DNAH7: variants seen among roughly 807,000 people sequenced by gnomAD.
The protein encoded by DNAH7 is axonemal beta dynein heavy chain 7.
A neutral mutation model predicts 444.6 loss-of-function variants in DNAH7; 397 were observed. The observed-to-expected ratio is 0.89, with a 90% CI of 0.82 to 0.97. The LOEUF (loss-of-function observed/expected upper bound fraction) is 0.97, where lower values mean the gene tolerates loss of function less well. Ranked by LOEUF, DNAH7 falls within the 50% of genes least tolerant of loss-of-function variation. The probability of loss-of-function intolerance (pLI) is 0.00; values close to 1 mark genes in which losing one functional copy is unlikely to be tolerated. For synonymous variants in DNAH7, 1,636 were observed against 1,624.4 expected, an observed-to-expected ratio of 1.01 and a Z score of -0.17; for missense variants, 4,902 against 4,800.8, an observed-to-expected ratio of 1.02 and a Z score of -0.62.
intron 1 of DNAH7, among the ~76,000 whole-genome samples, chr2:196,062,563 A>G (rs1467861034): frequency 6.6e-6 from 1 of 152,202 alleles, no homozygotes; most frequent in Non-Finnish European, 1.5e-5. Flanking sequence ...TCATCATTTT[A>G]GTACTTGAGA....
chr2:195,905,141 A>G (rs1056218696), intron 27 of DNAH7: 5 of 152,122 alleles, frequency 3.3e-5, no homozygotes, highest in African/African-American at 1.2e-4. Flanking sequence ...GGCATTAACA[A>G]ACTCAACCAA....
chr2:196,064,359 A>T (rs13011207), intron 1 of DNAH7, among the ~76,000 whole-genome samples: 3 of 147,136 alleles, frequency 2.0e-5, no homozygotes, highest in East Asian at 1.9e-4. Flanking sequence ...AATAAATAAT[A>T]AATAAATAAT....
At position 196,015,901 on chromosome 2, in the gene DNAH7, G is replaced by T. The variant is rs1229788851; in HGVS notation, c.870-2995C>A. The stretch of plus-strand genomic sequence containing the variant: ...TCACATAGAGAATAAAAACAACCTA[G>T]GCTTTCAAAGGCAACATAGGAGCTT... On this transcript the variant is annotated intron_variant, in intron 9 of 64. Transcript: ENST00000312428. Among the ~76,000 whole-genome samples, 7 of 152,228 alleles carry T rather than the reference G, an allele frequency of 4.6e-5. No homozygotes were observed. The East Asian group carries it at 1.3e-3, about 29-fold the overall frequency.
intron 15 of DNAH7, among the ~76,000 whole-genome samples, chr2:195,980,981 T>C (rs1486179266): frequency 6.6e-6 from 1 of 152,104 alleles, no homozygotes; most frequent in African/African-American, 2.4e-5. Context: ...AACATAGTAC[T>C]AGAAGTCCTA....
At chr2:195,797,280 C>A (rs1696193509) in intron 55 of DNAH7, among the ~76,000 whole-genome samples, 1 of 152,196 alleles carries the variant, frequency 6.6e-6, no homozygotes, top group Non-Finnish European at 1.5e-5. Flanking sequence ...TAATTCGTCC[C>A]TGGCTTCTGG....
chr2:195,846,283 G>A (rs772190523), intron 46 of DNAH7, among the ~76,000 whole-genome samples: 3 of 152,164 alleles, frequency 2.0e-5, no homozygotes, highest in Admixed American at 6.5e-5. Flanking sequence ...AGTCATTAGA[G>A]AAATACAAAT....
intron 55 of DNAH7, among the ~76,000 whole-genome samples, chr2:195,798,821 C>T (rs1302890706): frequency 6.6e-6 from 1 of 152,060 alleles, no homozygotes; most frequent in Non-Finnish European, 1.5e-5. Flanking sequence ...GTTGGGATTA[C>T]AGGTGTGAGC....
At chr2:195,790,105 G>A (rs1695807416) in intron 57 of DNAH7, among the ~76,000 whole-genome samples, 1 of 151,976 alleles carries the variant, frequency 6.6e-6, no homozygotes, top group Non-Finnish European at 1.5e-5. Context: ...CAATACTTAA[G>A]AATACATTTA....
At chr2:195,767,252 A>G (rs1202277118) in intron 61 of DNAH7, among the ~76,000 whole-genome samples, 1 of 152,080 alleles carries the variant, frequency 6.6e-6, no homozygotes, top group African/African-American at 2.4e-5. Context: ...TGCTTTTGTT[A>G]TTCATTACTA....
At chr2:195,969,353 G>A (rs920533636) in intron 17 of DNAH7, among the ~76,000 whole-genome samples, 1 of 152,180 alleles carries the variant, frequency 6.6e-6, no homozygotes, top group African/African-American at 2.4e-5. Context: ...AAAAATGATA[G>A]AGCATCATAG....
At chr2:195,756,376 C>A in intron 61 of DNAH7, 91 bp from the exon 62 acceptor site, 1 of 1,164,616 alleles carries the variant, frequency 8.6e-7, no homozygotes, top group South Asian at 2.4e-5. Flanking sequence ...CATGATTATC[C>A]TTTGTTTACA....
intron 17 of DNAH7, among the ~76,000 whole-genome samples, chr2:195,969,055 C>T (rs1415603657): frequency 6.6e-6 from 1 of 152,230 alleles, no homozygotes; most frequent in Non-Finnish European, 1.5e-5. Context: ...GTTTTCAATG[C>T]TTCTTTCAGT....
chr2:195,804,904 A>T (rs919161816), intron 54 of DNAH7, among the ~76,000 whole-genome samples: 1 of 152,180 alleles, frequency 6.6e-6, no homozygotes, highest in Non-Finnish European at 1.5e-5. Context: ...TGAAGATGAT[A>T]CAAGACAGAG....
At chr2:195,883,045 T>C (rs933344741) in intron 35 of DNAH7, among the ~76,000 whole-genome samples, 1 of 152,216 alleles carries the variant, frequency 6.6e-6, no homozygotes, top group Non-Finnish European at 1.5e-5. Flanking sequence ...AATTGTATTA[T>C]AAAGAAATAT....
chr2:195,738,551 T>C (rs956171336), intron 64 of DNAH7, among the ~76,000 whole-genome samples: 7 of 152,162 alleles, frequency 4.6e-5, no homozygotes, highest in Non-Finnish European at 7.3e-5. Context: ...CTAGAGAACC[T>C]TCCCATTTTA....
chr2:195,779,820 G>A lies in DNAH7; in HGVS notation c.10879-1835C>T, dbSNP rs889565118. Among the ~76,000 whole-genome samples the A allele has an allele frequency of 5.9e-5, 9 of 152,002 alleles. 1 individual carries two copies. Among genetic ancestry groups the A allele is most frequent in the Admixed American group, 3.9e-4 (6 of 15,272 alleles). ...GGGGTTTCACCATGTTGCCCAGGCT[G>A]GCCTCGAACTCCCAGGCTCAGGCAA... On this transcript the variant is annotated intron_variant, in intron 58 of 64. Coordinates refer to ENST00000312428, the MANE Select transcript of DNAH7 (RefSeq NM_018897.3).
intron 61 of DNAH7, among the ~76,000 whole-genome samples, chr2:195,756,555 C>G (rs1219354716): frequency 1.3e-5 from 2 of 151,910 alleles, no homozygotes; most frequent in Non-Finnish European, 2.9e-5. Context: ...TCTCTATTGC[C>G]CAGGCTGGAG....
At chr2:195,760,362 G>A (rs1694292365) in intron 61 of DNAH7, among the ~76,000 whole-genome samples, 1 of 152,170 alleles carries the variant, frequency 6.6e-6, no homozygotes, top group South Asian at 2.1e-4. Flanking sequence ...GCTGTGAAGG[G>A]AAGGACATAA....
rs560615393 is a variant in DNAH7, at chr2:195,933,552, T to G, written c.3471+1039A>C. Among the ~76,000 whole-genome samples the G allele has an allele frequency of 1.2e-3, 179 of 152,208 alleles. 2 individuals carry two copies. Among genetic ancestry groups the G allele is most frequent in the African/African-American group, 4.1e-3 (171 of 41,548 alleles). On this transcript the variant is annotated intron_variant, in intron 21 of 64. Transcript: ENST00000312428. ...AAGAAAATGTGGCACATATACACTA[T>G]GGAATACTATGCAGCCATAGAAAAG...
Sources: gnomAD v4.1 joint callset for allele counts (sites outside exome capture counted in the v4.1 genomes callset) on GRCh38, gnomAD v4.1.1 for gene constraint, MANE v1.5 for transcripts, NCBI Gene and HGNC (gene_info 2026-07-23, HGNC 2026-07-21) for gene names.